Variants in MTSS1 observed in about 807,000 individuals in gnomAD.
The protein encoded by MTSS1 is protein MTSS 1.
Under a neutral mutation model 79.0 loss-of-function variants are expected in MTSS1, and 18 were observed. That is an observed-to-expected ratio of 0.23 (90% CI 0.16 to 0.34). The LOEUF is 0.34. Among genes scored for constraint, MTSS1 ranks in the 10% least tolerant of loss-of-function variants. The pLI is 1.00. For synonymous variants in MTSS1, 341 were observed against 368.6 expected (o/e 0.93, Z 0.86); for missense variants, 815 against 986.2 (o/e 0.83, Z 2.33).
intron 3 of MTSS1, among the ~76,000 whole-genome samples, chr8:124,596,414 A>C (rs1206441087): frequency 6.6e-6 from 1 of 152,192 alleles, no homozygotes; most frequent in Non-Finnish European, 1.5e-5. Flanking sequence ...ATAACAAGCA[A>C]ATGCTTTTCT....
Position 124,601,062 on chromosome 8 carries a change from A to ATTTT in MTSS1, c.209-9831_209-9828dup, listed in dbSNP as rs35966615. Among the ~76,000 whole-genome samples, 570 of 88,614 alleles carry ATTTT rather than the reference A, an allele frequency of 6.4e-3. 15 individuals carry two copies. The highest frequency in any genetic ancestry group is 0.017 in the African/African-American group (428 of 25,158). 58.1% of individuals were successfully genotyped at this position (88,614 alleles called of 152,430 possible). ...TGACCCTAGGTTTCCCTTGACTGTA[A>ATTTT]TTTTTTTTTTTTTTTTTTTTTTGAG... On this transcript the variant is annotated intron_variant, in intron 3 of 13. Coordinates refer to ENST00000518547, the MANE Select transcript of MTSS1 (RefSeq NM_014751.6).
chr8:124,692,798 A>G (rs552291446), intron 3 of MTSS1, among the ~76,000 whole-genome samples: 106 of 152,214 alleles, frequency 7.0e-4, no homozygotes, highest in Admixed American at 8.5e-4. Context: ...AGGATCCATG[A>G]GGGCTGCATA....
At chr8:124,719,430 T>A (rs1832592296) in intron 1 of MTSS1, among the ~76,000 whole-genome samples, 1 of 152,168 alleles carries the variant, frequency 6.6e-6, no homozygotes, top group African/African-American at 2.4e-5. Flanking sequence ...TAAATGGGAA[T>A]CAGAGGCCCT....
intron 3 of MTSS1, among the ~76,000 whole-genome samples, chr8:124,646,634 T>C: frequency 6.6e-6 from 1 of 152,162 alleles, no homozygotes; most frequent in Non-Finnish European, 1.5e-5. Context: ...TCTCAAGTGC[T>C]TTAAAAGACA....
chr8:124,609,707 CCA>C (rs1835458271), intron 3 of MTSS1, among the ~76,000 whole-genome samples: 1 of 152,190 alleles, frequency 6.6e-6, no homozygotes, highest in Admixed American at 6.5e-5. Context: ...TAGACAGCGA[CCA>C]CCTTGGAGGA....
At chr8:124,704,926 C>A (rs1830183259) in intron 1 of MTSS1, among the ~76,000 whole-genome samples, 1 of 152,284 alleles carries the variant, frequency 6.6e-6, no homozygotes, top group East Asian at 1.9e-4. Flanking sequence ...CTGCTTCACA[C>A]CCTGACTGCA....
At chr8:124,661,256 T>A (rs1821970641) in intron 3 of MTSS1, among the ~76,000 whole-genome samples, 1 of 151,784 alleles carries the variant, frequency 6.6e-6, no homozygotes, top group Admixed American at 6.6e-5. Flanking sequence ...CTTAGGAAAA[T>A]GGTCCCCATA....
intron 3 of MTSS1, among the ~76,000 whole-genome samples, chr8:124,634,276 G>GTTTTTTTTTTTTTTTTTTTTTTTTTTT: frequency 6.8e-6 from 1 of 147,704 alleles, no homozygotes; most frequent in African/African-American, 2.6e-5. Flanking sequence ...TACCTGGCTA[G>GTTTTTTTTTTTTTTTTTTTTTTTTTTT]TTTTTTTTTG....
intron 4 of MTSS1, among the ~76,000 whole-genome samples, chr8:124,590,647 C>T (rs1831692024): frequency 6.6e-6 from 1 of 152,212 alleles, no homozygotes; most frequent in African/African-American, 2.4e-5. Context: ...TTCACTTGAA[C>T]ATTTGTAACC....
chr8:124,566,425 C>T (rs938154464), intron 8 of MTSS1, among the ~76,000 whole-genome samples: 15 of 152,226 alleles, frequency 9.9e-5, no homozygotes, highest in Admixed American at 7.9e-4. Flanking sequence ...CAAATTTGCC[C>T]TCTGAGCCAG....
chr8:124,611,575 A>C (rs940405111), intron 3 of MTSS1, among the ~76,000 whole-genome samples: 4 of 151,940 alleles, frequency 2.6e-5, no homozygotes, highest in African/African-American at 4.8e-5. Context: ...CACGTCCCTC[A>C]GCTCACCACC....
At chr8:124,555,412 A>AT (rs895475622) in intron 13 of MTSS1, among the ~76,000 whole-genome samples, 7 of 151,816 alleles carry the variant, frequency 4.6e-5, no homozygotes, top group Admixed American at 2.6e-4. Flanking sequence ...CGCCCGGCTA[A>AT]TTTTTTTGTA....
intron 3 of MTSS1, among the ~76,000 whole-genome samples, chr8:124,628,322 C>T (rs1481086452): frequency 3.3e-5 from 5 of 152,164 alleles, no homozygotes; most frequent in Admixed American, 6.5e-5. Flanking sequence ...TCTTATCATC[C>T]GACTCCCAGA....
rs111932064 is a variant in MTSS1, at chr8:124,625,514, G to A, written c.209-34279C>T. 4.4e-3 allele frequency among the ~76,000 whole-genome samples: 674 copies of A among 152,184 alleles called. 1 individual carries two copies. Among genetic ancestry groups the A allele is most frequent in the African/African-American group, 0.015 (640 of 41,506 alleles). On this transcript the variant is annotated intron_variant, in intron 3 of 13. Coordinates refer to ENST00000518547, the MANE Select transcript of MTSS1 (RefSeq NM_014751.6). ...AAACTTTAGACAGACCAGCATTTTC[G>A]GACACAGACGTTCAGTTCTCCAACA...
chr8:124,601,153 C>T (rs949978226), intron 3 of MTSS1, among the ~76,000 whole-genome samples: 2 of 150,748 alleles, frequency 1.3e-5, no homozygotes, highest in Non-Finnish European at 1.5e-5. Flanking sequence ...CTCCACCTCC[C>T]GGGTTCAAGC....
intron 3 of MTSS1, among the ~76,000 whole-genome samples, chr8:124,629,476 A>G (rs1050542457): frequency 8.8e-5 from 12 of 136,116 alleles, no homozygotes; most frequent in Non-Finnish European, 1.7e-4. Context: ...AGATCACGCC[A>G]CTGCACTCCA....
At chr8:124,717,943 T>TA (rs1374066540) in intron 1 of MTSS1, among the ~76,000 whole-genome samples, 1 of 152,056 alleles carries the variant, frequency 6.6e-6, no homozygotes, top group Non-Finnish European at 1.5e-5. Context: ...ATGAATTAAT[T>TA]AGAGAAATAC....
intron 3 of MTSS1, among the ~76,000 whole-genome samples, chr8:124,650,627 G>A (rs1819789059): frequency 6.6e-6 from 1 of 152,080 alleles, no homozygotes; most frequent in Middle Eastern, 3.2e-3. Context: ...TGCCATGCAC[G>A]AACATCACAT....
intron 6 of MTSS1, among the ~76,000 whole-genome samples, chr8:124,579,354 G>A (rs1170239275): frequency 6.6e-6 from 1 of 152,182 alleles, no homozygotes; most frequent in Non-Finnish European, 1.5e-5. Flanking sequence ...CAGCGTGGGT[G>A]GGGAGACTGT....
Sources: allele counts gnomAD v4.1 joint callset (sites outside exome capture counted in the v4.1 genomes callset), GRCh38; gene constraint gnomAD v4.1.1; transcripts MANE v1.5; gene names NCBI Gene and HGNC (gene_info 2026-07-23, HGNC 2026-07-21).